The following FURIN variants were observed in gnomAD, a reference collection of about 807,000 sequenced individuals.
The protein encoded by FURIN is furin, paired basic amino acid cleaving enzyme.
A neutral mutation model predicts 89.2 loss-of-function variants in FURIN; 18 were observed. The ratio of observed to expected loss-of-function variants is 0.20; its 90% CI spans 0.14 to 0.30. The LOEUF (loss-of-function observed/expected upper bound fraction) is 0.30. Among genes scored for constraint, FURIN ranks in the 10% least tolerant of loss-of-function variants. The pLI, the probability that FURIN is intolerant of heterozygous loss-of-function variation, is 1.00. For synonymous variants in FURIN, 508 were observed against 466.4 expected, an observed-to-expected ratio of 1.09 and a Z score of -1.15; for missense variants, 879 against 1,100.5, an observed-to-expected ratio of 0.80 and a Z score of 2.85.
At chr15:90,880,056 C>G (rs1240900031) in intron 12 of FURIN, 38 bp from the exon 13 acceptor site, 15 of 1,603,746 alleles carry the variant, frequency 9.4e-6, no homozygotes, top group Middle Eastern at 1.7e-4. Context: ...GCTGGTCCCT[C>G]TGGGCCAGGC....
In FURIN at chr15:90,883,043, A is replaced by G. The variant is rs1412591646; in HGVS notation, c.*1165A>G. 2 of 152,740 alleles carry G rather than the reference A, an allele frequency of 1.3e-5. No homozygotes were observed. The highest frequency in any genetic ancestry group is 1.9e-4 in the East Asian group (1 of 5,178). The allele number at this position is 152,740 out of a possible 1,614,324, so 9.5% of individuals were successfully genotyped here. On this transcript the variant is annotated 3_prime_UTR_variant, in exon 16 of 16. Transcript: ENST00000268171. Reference sequence around the variant, plus strand: ...GTGGGGCTCGCCATGCCGGGGGTTCATAGGTCACTGGCTCTCCAAGTGCCA... The same window carrying G: ...GTGGGGCTCGCCATGCCGGGGGTTCGTAGGTCACTGGCTCTCCAAGTGCCA...
At position 90,877,282 on chromosome 15, in the gene FURIN, G is replaced by T. The variant is rs976371467; in HGVS notation, c.578+71G>T. 3 of 1,276,808 alleles carry T rather than the reference G, an allele frequency of 2.3e-6. No homozygotes were observed. The African/African-American group carries it at 4.5e-5, about 19-fold the overall frequency. The allele number at this position is 1,276,808 out of a possible 1,614,324, so 79.1% of individuals were successfully genotyped here. On this transcript the variant is annotated intron_variant, in intron 6 of 15. Transcript: ENST00000268171. Reference sequence around the variant, plus strand: ...CCACTAAGGAACAGGGCTGAGCCTGGGTGAGATGTGCCTTGCCTAAAAGGC... The same window carrying T: ...CCACTAAGGAACAGGGCTGAGCCTGTGTGAGATGTGCCTTGCCTAAAAGGC...
Position 90,878,246 on chromosome 15 carries a change from A to G in FURIN, c.782A>G (p.Lys261Arg). Residue 261 changes from lysine (K) to arginine (R), a missense_variant, in exon 8 of 16, where the codon AAG becomes AGG. By Grantham distance (26) the Lys-to-Arg change is conservative. Coordinates refer to ENST00000268171, the MANE Select transcript of FURIN (RefSeq NM_002569.4). ...AGCTGGGGCCCCGAGGATGACGGCA[A>G]GACAGTGGATGGGCCAGCCCGCCTC... ...SASWGPEDDG[K>R]TVDGPARLAE... 1 of 1,613,434 alleles carries G rather than the reference A, an allele frequency of 6.2e-7. No homozygotes were observed. The highest frequency in any genetic ancestry group is 8.5e-7 in the Non-Finnish European group (1 of 1,179,744).
In FURIN at chr15:90,881,079, C is replaced by A. The variant is rs1290246241; in HGVS notation, c.1792+39C>A. 6.8e-7 allele frequency: 1 copy of A among 1,476,282 alleles called. No individual in the cohort carries two copies. The highest frequency in any genetic ancestry group is 9.5e-7 in the Non-Finnish European group (1 of 1,054,426). 91.4% of individuals were successfully genotyped at this position (1,476,282 alleles called of 1,614,324 possible). On this transcript the variant is annotated intron_variant, in intron 15 of 15. Transcript: ENST00000268171. This position sits in a 1 kb window ranked among gnomAD's most constrained non-coding sequence, Gnocchi z 4.3. Reference sequence around the variant, plus strand: ...GCTGTTGGGCTTTGGGGGCCTGAGTCTGGGGGTAAGGCGGGTGCCTGTCCT... The same window carrying A: ...GCTGTTGGGCTTTGGGGGCCTGAGTATGGGGGTAAGGCGGGTGCCTGTCCT...
chr15:90,878,820 A>G lies in FURIN; in HGVS notation c.897A>G (p.Glu299=). The G allele has an allele frequency of 6.2e-6, 10 of 1,612,800 alleles. No individual in the cohort carries two copies. The highest frequency in any genetic ancestry group is 8.5e-6 in the Non-Finnish European group (10 of 1,179,362). The change falls in exon 9 of 16, where the codon GAA becomes GAG. Residue 299 remains glutamate, a synonymous_variant. Coordinates refer to ENST00000268171, the MANE Select transcript of FURIN (RefSeq NM_002569.4). ...GGGCCTCGGGGAACGGGGGCCGGGAACATGACAGCTGCAACTGCGACGGCT... is the reference window on the plus strand; with the variant it reads ...GGGCCTCGGGGAACGGGGGCCGGGAGCATGACAGCTGCAACTGCGACGGCT... ...FVWASGNGGR[E]HDSCNCDGYT...
At chr15:90,879,389 C>T in intron 9 of FURIN, 55 bp from the exon 10 acceptor site, 2 of 1,290,364 alleles carry the variant, frequency 1.5e-6, no homozygotes, top group Non-Finnish European at 2.3e-6. Context: ...AGGCAGGTGG[C>T]TCCTCTAGCC....
At chr15:90,871,793 G>T (rs2031319239) in intron 1 of FURIN, among the ~76,000 whole-genome samples, 2 of 149,532 alleles carry the variant, frequency 1.3e-5, no homozygotes, top group African/African-American at 2.4e-5. Context: ...GTCCCCCGGG[G>T]CCCGGCTGCC....
chr15:90,871,807 C>T (rs964798118), intron 1 of FURIN, among the ~76,000 whole-genome samples: 2 of 149,842 alleles, frequency 1.3e-5, no homozygotes, highest in African/African-American at 4.9e-5. Flanking sequence ...GGCTGCCCGC[C>T]GGCTTTCCGG....
chr15:90,872,219 C>G (rs969855710), intron 1 of FURIN, among the ~76,000 whole-genome samples: 15 of 151,834 alleles, frequency 9.9e-5, no homozygotes, highest in Admixed American at 7.2e-4. Context: ...CGCCGGCGGC[C>G]GGCGCAGGTA....
Position 90,875,755 on chromosome 15 carries a change from C to G in FURIN, c.15C>G (p.Pro5=). Residue 5 remains proline (P), a synonymous_variant, in exon 2 of 16, where the codon CCC becomes CCG. Transcript: ENST00000268171. Reference sequence around the variant, plus strand: ...CTGTCCCCCCCATGGAGCTGAGGCCCTGGTTGCTATGGGTGGTAGCAGCAA... The same window carrying G: ...CTGTCCCCCCCATGGAGCTGAGGCCGTGGTTGCTATGGGTGGTAGCAGCAA... MELR[P]WLLWVVAATG... 2 of 1,549,692 alleles carry G rather than the reference C, an allele frequency of 1.3e-6. No individual in the cohort carries two copies. The highest frequency in any genetic ancestry group is 1.7e-6 in the Non-Finnish European group (2 of 1,145,772).
At chr15:90,874,001 T>C (rs1482657369) in intron 1 of FURIN, among the ~76,000 whole-genome samples, 1 of 152,186 alleles carries the variant, frequency 6.6e-6, no homozygotes. Context: ...AGGGCCTACG[T>C]GAGCTGGGGT....
rs8024061 is a variant in FURIN at position 90,878,026 on chromosome 15, C to T, written c.668-106C>T. The T allele has an allele frequency of 0.016, 17,193 of 1,072,194 alleles. 1,546 individuals are homozygous for T. In the African/African-American group the frequency reaches 0.21, roughly 13 times the overall value. The allele number at this position is 1,072,194 out of a possible 1,614,324, so 66.4% of individuals were successfully genotyped here. A position where few individuals can be genotyped will look rare whatever the true frequency, so the allele number is the denominator to read the frequency against. On this transcript the variant is annotated intron_variant, in intron 7 of 15. Transcript: ENST00000268171. ...TTCTCAGCATCAGCCTCCACCCTTC[C>T]CTTACTCATCCCCTGGGGTGCAGGG...
chr15:90,871,230 G>C (rs573396104), intron 1 of FURIN, among the ~76,000 whole-genome samples: 25 of 152,314 alleles, frequency 1.6e-4, no homozygotes, highest in Admixed American at 1.3e-3. Flanking sequence ...GGCTGAGGCA[G>C]GGCTCGGAGT....
At position 90,876,871 on chromosome 15, in the gene FURIN, A is replaced by G; in HGVS notation, c.373-25A>G. On this transcript the variant is annotated intron_variant, in intron 4 of 15. Coordinates refer to ENST00000268171, the MANE Select transcript of FURIN (RefSeq NM_002569.4). The surrounding 1 kb of genome is among the most constrained non-coding windows in gnomAD (Gnocchi z 5.0). Reference sequence around the variant, plus strand: ...CTCACAAAACCAATCATGTCTCATAAGTGATGGGGTGGGTGTCTCCACAGT... The same window carrying G: ...CTCACAAAACCAATCATGTCTCATAGGTGATGGGGTGGGTGTCTCCACAGT... The G allele has an allele frequency of 6.2e-7, 1 of 1,612,748 alleles. No homozygotes were observed. The highest frequency in any genetic ancestry group is 8.5e-7 in the Non-Finnish European group (1 of 1,179,072).
intron 1 of FURIN, among the ~76,000 whole-genome samples, chr15:90,869,563 TCCTCCCTCTCAGGGAGGCA>T (rs1053265575): frequency 2.0e-5 from 3 of 152,112 alleles, no homozygotes; most frequent in African/African-American, 4.8e-5. Context: ...CTGTCCTCAT[TCCTCCCTCTCAGGGAGGCA>T]CCTCTGAGAA....
rs746613303 is a variant in FURIN, at chr15:90,880,033, G to A, written c.1376+49G>A. 36 of 1,602,428 alleles carry A rather than the reference G, an allele frequency of 2.2e-5. No individual in the cohort carries two copies. The Admixed American group carries it at 3.8e-4, about 17-fold the overall frequency. ...AGGGGGCCAGTGGGACCTGAGAGTC[G>A]CAGGGGGTGCCCGCTGGTCCCTCTG... On this transcript the variant is annotated intron_variant, in intron 12 of 15. Transcript: ENST00000268171.
At position 90,876,178 on chromosome 15, in the gene FURIN, C is replaced by A. The variant is rs906400689; in HGVS notation, c.178-77C>A. The A allele has an allele frequency of 4.9e-6, 5 of 1,015,946 alleles. No individual in the cohort carries two copies. In the African/African-American group the frequency reaches 7.3e-5, roughly 15 times the overall value. The allele number at this position is 1,015,946 out of a possible 1,614,324, so 62.9% of individuals were successfully genotyped here. On this transcript the variant is annotated intron_variant, in intron 2 of 15. Coordinates refer to ENST00000268171, the MANE Select transcript of FURIN (RefSeq NM_002569.4). This position sits in a 1 kb window ranked among gnomAD's most constrained non-coding sequence, Gnocchi z 5.0. Reference sequence around the variant, plus strand: ...GACCGTGGCGAGCCTCCCATGAAGCCGTTGTCCACCCCCGTCCCCCGCCTC... The same window carrying A: ...GACCGTGGCGAGCCTCCCATGAAGCAGTTGTCCACCCCCGTCCCCCGCCTC...
chr15:90,874,826 G>A (rs747459199), intron 1 of FURIN, among the ~76,000 whole-genome samples: 7 of 152,220 alleles, frequency 4.6e-5, no homozygotes, highest in South Asian at 2.1e-4. Context: ...ATTTTTTAGC[G>A]TGTGTATCCT....
chr15:90,880,705 C>T lies in FURIN; in HGVS notation c.1571C>T (p.Ser524Phe), dbSNP rs146377846. 6.2e-7 allele frequency: 1 copy of T among 1,613,554 alleles called. No individual in the cohort carries two copies. The highest frequency in any genetic ancestry group is 8.5e-7 in the Non-Finnish European group (1 of 1,179,776). Residue 524 changes from serine to phenylalanine, a missense_variant, in exon 14 of 16, where the codon TCC becomes TTC. Coordinates refer to ENST00000268171, the MANE Select transcript of FURIN (RefSeq NM_002569.4). ...CCCCTCCCCAGGCCACATGACTACT[C>T]CGCAGATGGGTTTAATGACTGGGCC... ...TLLAARPHDY[S>F]ADGFNDWAFM...
Sources: gnomAD v4.1 joint callset for allele counts (sites outside exome capture counted in the v4.1 genomes callset) on GRCh38, gnomAD v4.1.1 for gene constraint, Gnocchi (gnomAD v3.1) non-coding constraint, MANE v1.5 for transcripts, NCBI Gene and HGNC (gene_info 2026-07-23, HGNC 2026-07-21) for gene names.